EXOC6B: variants seen among roughly 807,000 people sequenced by gnomAD.
EXOC6B encodes SEC15 homolog B.
A neutral mutation model predicts 113.5 loss-of-function variants in EXOC6B; 54 were observed. The observed-to-expected ratio is 0.48, with a 90% confidence interval of 0.38 to 0.60. EXOC6B has a LOEUF of 0.60. Ranked by LOEUF, EXOC6B falls within the 20% of genes least tolerant of loss-of-function variation. EXOC6B has a pLI of 0.00. For synonymous variants in EXOC6B, 357 were observed against 339.0 expected (o/e 1.05, Z -0.58); for missense variants, 797 against 977.5 (o/e 0.82, Z 2.46).
At chr2:72,772,499 T>C (rs1480090283) in intron 1 of EXOC6B, among the ~76,000 whole-genome samples, 2 of 152,082 alleles carry the variant, frequency 1.3e-5, no homozygotes, top group Non-Finnish European at 2.9e-5. Flanking sequence ...GACTGCCCCA[T>C]TGCCAGTTAG....
chr2:72,496,027 A>G (rs1434845351), intron 14 of EXOC6B, among the ~76,000 whole-genome samples: 2 of 152,174 alleles, frequency 1.3e-5, no homozygotes, highest in Non-Finnish European at 2.9e-5. Context: ...GCTATTTGGT[A>G]TCAACATTGT....
chr2:72,408,091 A>G (rs1318986080), intron 18 of EXOC6B, among the ~76,000 whole-genome samples: 1 of 152,208 alleles, frequency 6.6e-6, no homozygotes, highest in African/African-American at 2.4e-5. Context: ...AGAGAGCCAA[A>G]TCATGAGTGA....
intron 20 of EXOC6B, among the ~76,000 whole-genome samples, chr2:72,282,240 T>C (rs1038342227): frequency 1.3e-5 from 2 of 152,064 alleles, no homozygotes; most frequent in African/African-American, 4.8e-5. Context: ...ACTGATGATC[T>C]TTGGGATTTA....
intron 20 of EXOC6B, among the ~76,000 whole-genome samples, chr2:72,324,936 A>C (rs1171193717): frequency 1.3e-5 from 2 of 152,172 alleles, no homozygotes; most frequent in African/African-American, 4.8e-5. Context: ...ACTCTCTGCT[A>C]ACCTACTGGG....
At chr2:72,318,462 C>T (rs972693690) in intron 20 of EXOC6B, among the ~76,000 whole-genome samples, 2 of 151,742 alleles carry the variant, frequency 1.3e-5, no homozygotes, top group African/African-American at 2.4e-5. Context: ...GGTGCGATCT[C>T]GGCCCACTGC....
chr2:72,450,454 T>C (rs1696844123), intron 18 of EXOC6B, among the ~76,000 whole-genome samples: 1 of 152,176 alleles, frequency 6.6e-6, no homozygotes, highest in African/African-American at 2.4e-5. Flanking sequence ...ATCACATTAT[T>C]TTAAAAAGTA....
At chr2:72,219,638 G>C (rs1680745784) in intron 20 of EXOC6B, among the ~76,000 whole-genome samples, 1 of 152,086 alleles carries the variant, frequency 6.6e-6, no homozygotes, top group South Asian at 2.1e-4. Context: ...GAAGGAATTA[G>C]TGTTGTTAGA....
At chr2:72,224,088 T>G (rs1304758180) in intron 20 of EXOC6B, among the ~76,000 whole-genome samples, 1 of 152,146 alleles carries the variant, frequency 6.6e-6, no homozygotes, top group African/African-American at 2.4e-5. Flanking sequence ...CTGGCCAGTA[T>G]GCATTAAATT....
intron 20 of EXOC6B, among the ~76,000 whole-genome samples, chr2:72,249,789 T>G (rs1405351292): frequency 6.6e-6 from 1 of 152,214 alleles, no homozygotes. Context: ...AAAAATTATC[T>G]TCTTCTTTGG....
At chr2:72,802,765 C>T (rs1410660973) in intron 1 of EXOC6B, among the ~76,000 whole-genome samples, 2 of 152,070 alleles carry the variant, frequency 1.3e-5, no homozygotes, top group African/African-American at 4.8e-5. Flanking sequence ...AGTATAGATA[C>T]AGAAGAGAAC....
intron 20 of EXOC6B, among the ~76,000 whole-genome samples, chr2:72,199,283 C>G (rs1044068719): frequency 2.6e-5 from 4 of 152,174 alleles, no homozygotes; most frequent in Non-Finnish European, 5.9e-5. Context: ...GCACCACACT[C>G]AATTCCAGGA....
chr2:72,499,791 T>A lies in EXOC6B; in HGVS notation c.1239+110A>T. ...TCAAGCAATTCTCCTACCTCAGGCT[T>A]CCAAAGAACTATGATTACAGGCAAA... On this transcript the variant is annotated intron_variant, in intron 12 of 21. Transcript: ENST00000272427. 8 of 686,202 alleles carry A rather than the reference T, an allele frequency of 1.2e-5. No homozygotes were observed. The South Asian group carries it at 1.6e-4, about 14-fold the overall frequency. 42.5% of individuals were successfully genotyped at this position (686,202 alleles called of 1,614,324 possible).
intron 6 of EXOC6B, among the ~76,000 whole-genome samples, chr2:72,652,601 C>G (rs779712867): frequency 1.3e-5 from 2 of 150,910 alleles, no homozygotes; most frequent in Non-Finnish European, 2.9e-5. Flanking sequence ...AGTGAGGCTA[C>G]TTAAAGACTA....
intron 1 of EXOC6B, among the ~76,000 whole-genome samples, chr2:72,803,189 A>C (rs1474870721): frequency 6.6e-6 from 1 of 152,174 alleles, no homozygotes; most frequent in African/African-American, 2.4e-5. Context: ...CATGACTAAT[A>C]CTGATGCAAA....
chr2:72,470,494 T>G (rs1405867073), intron 17 of EXOC6B, among the ~76,000 whole-genome samples: 2 of 152,180 alleles, frequency 1.3e-5, no homozygotes, highest in Non-Finnish European at 1.5e-5. Flanking sequence ...ATATTTTAAG[T>G]TTTAGGGTAC....
intron 17 of EXOC6B, among the ~76,000 whole-genome samples, chr2:72,466,923 T>C (rs558768264): frequency 1.3e-5 from 2 of 152,316 alleles, no homozygotes; most frequent in East Asian, 3.9e-4. Context: ...ATCATCATGT[T>C]ATAGAATAGA....
chr2:72,521,420 T>C (rs1701480475), intron 8 of EXOC6B, among the ~76,000 whole-genome samples: 1 of 152,136 alleles, frequency 6.6e-6, no homozygotes, highest in Non-Finnish European at 1.5e-5. Flanking sequence ...TATTCATAAA[T>C]TCAGGATCCT....
At chr2:72,465,820 G>C (rs1388934136) in intron 17 of EXOC6B, among the ~76,000 whole-genome samples, 1 of 152,118 alleles carries the variant, frequency 6.6e-6, no homozygotes, top group Non-Finnish European at 1.5e-5. Flanking sequence ...CTTAACTTCT[G>C]TTAAATACTC....
intron 1 of EXOC6B, among the ~76,000 whole-genome samples, chr2:72,757,909 C>A (rs1336861977): frequency 6.6e-6 from 1 of 151,932 alleles, no homozygotes; most frequent in African/African-American, 2.4e-5. Context: ...GCTTGTAATC[C>A]CAGCACTTTG....
Sources: allele counts gnomAD v4.1 joint callset (sites outside exome capture counted in the v4.1 genomes callset), GRCh38; gene constraint gnomAD v4.1.1; transcripts MANE v1.5; gene names NCBI Gene and HGNC (gene_info 2026-07-23, HGNC 2026-07-21).